The following KMT2C variants were observed in gnomAD, a reference collection of about 807,000 sequenced individuals.
The protein encoded by KMT2C is lysine methyltransferase 2C, also known as histone-lysine N-methyltransferase 2C.
Under a neutral mutation model 507.9 loss-of-function variants are expected in KMT2C, and 88 were observed. That is an observed-to-expected ratio of 0.17 (90% CI 0.15 to 0.21). KMT2C has a LOEUF of 0.21. Among genes scored for constraint, KMT2C ranks in the 10% least tolerant of loss-of-function variants. The pLI is 1.00. For missense variants in KMT2C, 4,954 were observed against 5,957.8 expected, an observed-to-expected ratio of 0.83 and a Z score of 5.55; for synonymous variants, 2,049 against 2,080.8, an observed-to-expected ratio of 0.98 and a Z score of 0.42.
intron 2 of KMT2C, among the ~76,000 whole-genome samples, chr7:152,351,816 C>G (rs1167954378): frequency 6.6e-6 from 1 of 152,142 alleles, no homozygotes; most frequent in Non-Finnish European, 1.5e-5. Context: ...TTACTTTAAT[C>G]TCTTAATCCC....
chr7:152,189,976 G>A (rs1171690657), intron 31 of KMT2C, among the ~76,000 whole-genome samples: 1 of 152,170 alleles, frequency 6.6e-6, no homozygotes, highest in East Asian at 1.9e-4. Context: ...GACCATTACC[G>A]CCTGAGCTCC....
intron 1 of KMT2C, among the ~76,000 whole-genome samples, chr7:152,431,043 G>A (rs746336963): frequency 5.9e-5 from 9 of 152,248 alleles, no homozygotes; most frequent in Admixed American, 1.3e-4. Flanking sequence ...TTGTCACTTG[G>A]CAGATTAACA....
chr7:152,187,142 T>C (rs1436497197), intron 33 of KMT2C, 120 bp downstream of exon 33: 2 of 719,144 alleles, frequency 2.8e-6, no homozygotes, highest in East Asian at 2.6e-5. Flanking sequence ...GGAATCTTCA[T>C]GTTGTGGGTC....
At chr7:152,137,441 T>G (rs2089984902) in intron 58 of KMT2C, 1 of 156,340 alleles carries the variant, frequency 6.4e-6, no homozygotes, top group African/African-American at 2.4e-5. Context: ...GGTGGGAGTC[T>G]GCGTGAGTCC....
At chr7:152,224,239 T>A in intron 19 of KMT2C, 60 bp from the exon 20 acceptor site, 1 of 1,517,568 alleles carries the variant, frequency 6.6e-7, no homozygotes, top group Non-Finnish European at 9.0e-7. Context: ...TCAGTTACTG[T>A]AATTCAGGAA....
At chr7:152,350,443 A>C (rs1462524225) in intron 2 of KMT2C, among the ~76,000 whole-genome samples, 3 of 152,206 alleles carry the variant, frequency 2.0e-5, no homozygotes, top group Non-Finnish European at 4.4e-5. Context: ...CCTAGATGGT[A>C]TAGCCTACTA....
rs775803041 is a variant in KMT2C, at chr7:152,265,205, C to T, written c.1017G>A (p.Lys339=). ...EHIDQAPERS[K]EDANCAVCDS... is the part of the protein sequence containing the mutation. ...CGCACACTGCACAGTTTGCATCTTC[C>T]TTCGCTATAATTAACAGTGAAACAA... Residue 339 remains lysine (K), a synonymous_variant, in exon 8 of 59, where the codon AAG becomes AAA. Coordinates refer to ENST00000262189, the MANE Select transcript of KMT2C (RefSeq NM_170606.3). 1 of 1,554,840 alleles carries T rather than the reference C, an allele frequency of 6.4e-7. No homozygotes were observed. The highest frequency in any genetic ancestry group is 2.4e-5 in the East Asian group (1 of 42,280).
intron 1 of KMT2C, among the ~76,000 whole-genome samples, chr7:152,359,679 AAGGG>A (rs1477167882): frequency 6.6e-6 from 1 of 152,058 alleles, no homozygotes; most frequent in Admixed American, 6.6e-5. Flanking sequence ...AAAAACAAAG[AAGGG>A]AGGGAGGGAG....
chr7:152,239,595 T>C (rs1303914364), intron 14 of KMT2C, among the ~76,000 whole-genome samples: 8 of 152,306 alleles, frequency 5.3e-5, no homozygotes, highest in Non-Finnish European at 1.0e-4. Flanking sequence ...TTAAAATCTA[T>C]ATAACTAAAA....
At chr7:152,327,964 AAAAAAAAAAAAG>A (rs1342390801) in intron 3 of KMT2C, among the ~76,000 whole-genome samples, 2 of 150,858 alleles carry the variant, frequency 1.3e-5, no homozygotes, top group Admixed American at 6.6e-5. Flanking sequence ...CCTCAAAAAA[AAAAAAAAAAAAG>A]AAAAAAGAAA....
At chr7:152,164,819 A>G (rs552831748) in intron 42 of KMT2C, among the ~76,000 whole-genome samples, 2 of 152,342 alleles carry the variant, frequency 1.3e-5, no homozygotes, top group African/African-American at 4.8e-5. Context: ...TTGTGTCCCA[A>G]TGTGCTCAAT....
At chr7:152,142,031 G>A (rs2090624631) in intron 55 of KMT2C, among the ~76,000 whole-genome samples, 1 of 152,114 alleles carries the variant, frequency 6.6e-6, no homozygotes, top group Admixed American at 6.6e-5. Context: ...CAAAGAAGAA[G>A]AAAGAAAATC....
At position 152,310,022 on chromosome 7, in the gene KMT2C, T is replaced by C; in HGVS notation, c.793A>G (p.Met265Val). The C allele has an allele frequency of 6.2e-7, 1 of 1,614,010 alleles. No homozygotes were observed. The highest frequency in any genetic ancestry group is 8.5e-7 in the Non-Finnish European group (1 of 1,179,922). Residue 265 changes from methionine to valine, a missense_variant, in exon 6 of 59, where the codon ATG becomes GTG. Met to Val is a conservative substitution (Grantham distance 21). This residue lies in a region of KMT2C where 233 missense variants were observed against 263.6 expected (regional missense o/e 0.88). Transcript: ENST00000262189. Reference sequence around the variant, plus strand: ...ACGTTCACTAACAATGGTTCTTCCATCTGGCATACTCCTAGTGACCACTCC... The same window carrying C: ...ACGTTCACTAACAATGGTTCTTCCACCTGGCATACTCCTAGTGACCACTCC... ...CVEWSLGVCQ[M>V]EEPLLVNVDK...
chr7:152,368,869 C>T (rs1183502574), intron 1 of KMT2C, among the ~76,000 whole-genome samples: 1 of 152,118 alleles, frequency 6.6e-6, no homozygotes, highest in Non-Finnish European at 1.5e-5. Flanking sequence ...AAAGTAACAG[C>T]TCTAAGTACC....
rs764515051 is a variant in KMT2C, at chr7:152,176,597, T to C, written c.8856A>G (p.Ser2952=). 1 of 1,614,166 alleles carries C rather than the reference T, an allele frequency of 6.2e-7. No homozygotes were observed. Among genetic ancestry groups the C allele is most frequent in the Non-Finnish European group, 8.5e-7 (1 of 1,180,030 alleles). The change falls in exon 38 of 59, where the codon TCA becomes TCG. Residue 2952 remains serine, a synonymous_variant. Coordinates refer to ENST00000262189, the MANE Select transcript of KMT2C (RefSeq NM_170606.3). ...GCGGTGCTATGAAAGGAGGCAAACT[T>C]GACACATGATTGGATGGGGAGGCCG... ...TLPASPSNHV[S]SLPPFIAPPG...
intron 6 of KMT2C, among the ~76,000 whole-genome samples, chr7:152,280,156 G>A (rs558806238): frequency 1.8e-3 from 274 of 152,388 alleles, no homozygotes; most frequent in African/African-American, 6.3e-3. Flanking sequence ...TCAATACACT[G>A]TTGCTATCTT....
rs557341087 is a variant in KMT2C at position 152,189,238 on chromosome 7, T to G, written c.4661-1391A>C. On this transcript the variant is annotated intron_variant, in intron 31 of 58. Transcript: ENST00000262189. ...AAACTATTTGGAACTAAGCCAACTG[T>G]CCATATTGGAGCAGTTTCCAGAAAA... is the stretch of plus-strand genomic sequence containing the variant. 2.0e-5 allele frequency among the ~76,000 whole-genome samples: 3 copies of G among 152,282 alleles called. No individual in the cohort carries two copies. The South Asian group carries it at 6.2e-4, about 32-fold the overall frequency.
chr7:152,136,956 G>A (rs1439147480), intron 58 of KMT2C, 32 bp from the exon 59 acceptor site: 2 of 1,541,782 alleles, frequency 1.3e-6, no homozygotes, highest in Non-Finnish European at 1.8e-6. Flanking sequence ...GGTAAGAAAG[G>A]ACAGCAAGGA....
chr7:152,375,881 C>T (rs2097325474), intron 1 of KMT2C, among the ~76,000 whole-genome samples: 1 of 152,140 alleles, frequency 6.6e-6, no homozygotes, highest in Non-Finnish European at 1.5e-5. Flanking sequence ...GGCTGGAGTG[C>T]AGTGGCACAA....
Sources: allele counts gnomAD v4.1 joint callset (sites outside exome capture counted in the v4.1 genomes callset), GRCh38; gene constraint gnomAD v4.1.1; regional missense constraint gnomAD v4.1.1; transcripts MANE v1.5; gene names NCBI Gene and HGNC (gene_info 2026-07-23, HGNC 2026-07-21).